Variants in SCHIP1 observed in about 807,000 individuals in gnomAD.
The protein encoded by SCHIP1 is schwannomin interacting protein 1, also known as schwannomin-interacting protein 1.
A neutral mutation model predicts 29.7 loss-of-function variants in SCHIP1; 8 were observed. The ratio of observed to expected loss-of-function variants is 0.27; its 90% CI spans 0.16 to 0.49. SCHIP1 has a LOEUF of 0.49. Ranked by LOEUF, SCHIP1 falls within the 20% of genes least tolerant of loss-of-function variation. The pLI is 0.99. For missense variants in SCHIP1, 193 were observed against 294.6 expected (o/e 0.66, Z 2.52); for synonymous variants, 76 against 94.9 (o/e 0.80, Z 1.16).
At chr3:159,691,485 A>G in the SCHIP1 span, among the ~76,000 whole-genome samples, 1 of 127,410 alleles carries the variant, frequency 7.8e-6, no homozygotes. Context: ...TTTTGAGCCT[A>G]TGTGTATCTT....
At chr3:159,409,025 A>T in the SCHIP1 span, among the ~76,000 whole-genome samples, 2 of 152,228 alleles carry the variant, frequency 1.3e-5, no homozygotes, top group African/African-American at 4.8e-5. Flanking sequence ...CAACAGAATG[A>T]AAGACAAAAA....
the SCHIP1 span, among the ~76,000 whole-genome samples, chr3:159,455,246 A>G: frequency 6.6e-6 from 1 of 152,186 alleles, no homozygotes; most frequent in Non-Finnish European, 1.5e-5. Context: ...GACTCACAAT[A>G]TAGTCAGATG....
chr3:159,699,487 G>T, the SCHIP1 span, among the ~76,000 whole-genome samples: 1 of 152,170 alleles, frequency 6.6e-6, no homozygotes, highest in African/African-American at 2.4e-5. Flanking sequence ...GAAGTCATCT[G>T]GGATGTTTAC....
At chr3:159,310,217 C>T in the SCHIP1 span, among the ~76,000 whole-genome samples, 10 of 152,220 alleles carry the variant, frequency 6.6e-5, no homozygotes, top group Non-Finnish European at 8.8e-5. Context: ...GAACAGTTAA[C>T]AGCAGGAGAT....
At chr3:159,839,435 G>A (rs1743996900), upstream of SCHIP1, among the ~76,000 whole-genome samples, 2 of 151,884 alleles carry the variant, frequency 1.3e-5, no homozygotes, top group African/African-American at 4.8e-5. Flanking sequence ...AAGAAGCTAG[G>A]AGCCAAAAAT....
At chr3:159,734,010 G>C in the SCHIP1 span, among the ~76,000 whole-genome samples, 3 of 151,952 alleles carry the variant, frequency 2.0e-5, no homozygotes, top group African/African-American at 7.2e-5. Context: ...TTTGTACCAA[G>C]CAAATCCAGA....
At chr3:159,765,950 G>T in the SCHIP1 span, among the ~76,000 whole-genome samples, 1 of 152,142 alleles carries the variant, frequency 6.6e-6, no homozygotes, top group East Asian at 1.9e-4. Context: ...GAGGAGGGCT[G>T]CATCTATAAT....
chr3:159,537,749 C>T, the SCHIP1 span, among the ~76,000 whole-genome samples: 10 of 152,078 alleles, frequency 6.6e-5, no homozygotes, highest in African/African-American at 2.4e-4. Context: ...TTTATGGCTA[C>T]ATTTACATTT....
chr3:159,707,937 G>A, the SCHIP1 span, among the ~76,000 whole-genome samples: 2 of 152,064 alleles, frequency 1.3e-5, no homozygotes, highest in African/African-American at 4.8e-5. Flanking sequence ...CTTCTCTCTG[G>A]TATTTCTCCT....
the SCHIP1 span, among the ~76,000 whole-genome samples, chr3:159,691,301 G>C: frequency 1.3e-5 from 2 of 151,852 alleles, no homozygotes; most frequent in Admixed American, 6.6e-5. Context: ...ATTTAGGATA[G>C]TTAGCTCTTC....
chr3:159,582,564 G>A, the SCHIP1 span, among the ~76,000 whole-genome samples: 1 of 151,952 alleles, frequency 6.6e-6, no homozygotes, highest in African/African-American at 2.4e-5. Flanking sequence ...TAAGCAATAA[G>A]TATTTTGAAA....
the SCHIP1 span, among the ~76,000 whole-genome samples, chr3:159,294,136 T>C: frequency 6.6e-6 from 1 of 152,198 alleles, no homozygotes; most frequent in Non-Finnish European, 1.5e-5. Context: ...GGAGGTTGGA[T>C]TAGTTGCTCA....
chr3:159,284,388 A>AGC, the SCHIP1 span, among the ~76,000 whole-genome samples: 1 of 152,156 alleles, frequency 6.6e-6, no homozygotes, highest in Non-Finnish European at 1.5e-5. Context: ...GTTAATTGAA[A>AGC]TTTTATAAGA....
At chr3:159,398,472 GA>G in the SCHIP1 span, among the ~76,000 whole-genome samples, 1 of 152,160 alleles carries the variant, frequency 6.6e-6, no homozygotes, top group African/African-American at 2.4e-5. Flanking sequence ...TTTAGGAAAT[GA>G]AATATTCAAT....
the SCHIP1 span, among the ~76,000 whole-genome samples, chr3:159,617,454 A>G: frequency 6.6e-6 from 1 of 152,054 alleles, no homozygotes; most frequent in Non-Finnish European, 1.5e-5. Context: ...TAACAATCTC[A>G]TTAAATAACC....
At chr3:159,827,661 C>T in the SCHIP1 span, among the ~76,000 whole-genome samples, 30 of 151,842 alleles carry the variant, frequency 2.0e-4, no homozygotes, top group Non-Finnish European at 2.6e-4. Flanking sequence ...AAAAATTAGC[C>T]GGGCACGGTG....
the SCHIP1 span, among the ~76,000 whole-genome samples, chr3:159,825,139 CT>C: frequency 6.6e-6 from 1 of 152,060 alleles, no homozygotes; most frequent in Non-Finnish European, 1.5e-5. Flanking sequence ...TTTTGCTGGG[CT>C]ATTTCTGGAA....
chr3:159,606,316 A>T, the SCHIP1 span, among the ~76,000 whole-genome samples: 4 of 152,298 alleles, frequency 2.6e-5, no homozygotes, highest in East Asian at 5.8e-4. Context: ...AAGGAGATGT[A>T]TAATAAAAAA....
At chr3:159,517,263 G>C in the SCHIP1 span, among the ~76,000 whole-genome samples, 5 of 152,134 alleles carry the variant, frequency 3.3e-5, no homozygotes, top group African/African-American at 9.7e-5. Flanking sequence ...CTTTTTGTCA[G>C]ACAAAAGTTT....
Sources: allele counts gnomAD v4.1 joint callset (sites outside exome capture counted in the v4.1 genomes callset), GRCh38; gene constraint gnomAD v4.1.1; transcripts MANE v1.5; gene names NCBI Gene and HGNC (gene_info 2026-07-23, HGNC 2026-07-21).